Variants in LIPA observed in about 807,000 individuals in gnomAD.
The protein encoded by LIPA is lipase A, lysosomal acid type, also known as lysosomal acid lipase/cholesteryl ester hydrolase.
Under a neutral mutation model 40.6 loss-of-function variants are expected in LIPA, and 26 were observed. The ratio of observed to expected loss-of-function variants is 0.64; its 90% CI spans 0.47 to 0.89. The LOEUF (loss-of-function observed/expected upper bound fraction) is 0.89, where lower values mean the gene tolerates loss of function less well. Ranked by LOEUF, LIPA falls within the 40% of genes least tolerant of loss-of-function variation. LIPA has a pLI of 0.00. For synonymous variants in LIPA, 188 were observed against 168.4 expected, an observed-to-expected ratio of 1.12 and a Z score of -0.90; for missense variants, 455 against 479.6, an observed-to-expected ratio of 0.95 and a Z score of 0.48.
intron 1 of LIPA, among the ~76,000 whole-genome samples, chr10:89,320,047 A>G (rs1843562932): frequency 6.6e-6 from 1 of 152,212 alleles, no homozygotes; most frequent in Admixed American, 6.5e-5. Flanking sequence ...TCAATAAACT[A>G]GGTATTGATG....
chr10:89,339,073 T>A, intron 1 of LIPA: 1 of 1,614,044 alleles, frequency 6.2e-7, no homozygotes, highest in East Asian at 2.2e-5. Context: ...TGAACTTGAC[T>A]GTGAGGAAGG....
At chr10:89,285,499 C>T (rs1843336896) in intron 1 of LIPA, among the ~76,000 whole-genome samples, 1 of 152,206 alleles carries the variant, frequency 6.6e-6, no homozygotes, top group African/African-American at 2.4e-5. Flanking sequence ...GAGATGCCTG[C>T]CTGATTATTC....
chr10:89,227,159 C>A (rs1424890818), intron 4 of LIPA, 155 bp from the exon 5 acceptor site: 5 of 651,898 alleles, frequency 7.7e-6, no homozygotes, highest in Non-Finnish European at 1.4e-5. Context: ...CTGCAGAAGC[C>A]CCCTTGGGCT....
chr10:89,358,968 AT>A (rs1844004125), intron 2 of LIPA, among the ~76,000 whole-genome samples: 1 of 152,260 alleles, frequency 6.6e-6, no homozygotes, highest in African/African-American at 2.4e-5. Flanking sequence ...GGACATCCCA[AT>A]TACCCTGATT....
intron 2 of LIPA, among the ~76,000 whole-genome samples, chr10:89,350,240 A>C (rs1843949672): frequency 6.6e-6 from 1 of 151,214 alleles, no homozygotes; most frequent in Non-Finnish European, 1.5e-5. Context: ...TATGATATTT[A>C]TTAATTATTT....
intron 3 of LIPA, among the ~76,000 whole-genome samples, chr10:89,237,646 A>C (rs976053915): frequency 6.6e-6 from 1 of 152,188 alleles, no homozygotes; most frequent in Non-Finnish European, 1.5e-5. Context: ...TATAGACATC[A>C]GCTGTCAGTC....
intron 1 of LIPA, among the ~76,000 whole-genome samples, chr10:89,334,587 C>T (rs550322640): frequency 7.7e-5 from 6 of 77,674 alleles, no homozygotes; most frequent in African/African-American, 7.7e-4. Context: ...CCTCCGCCTT[C>T]CGGTTTCAAG....
intron 2 of LIPA, among the ~76,000 whole-genome samples, chr10:89,358,472 A>G (rs932819899): frequency 1.3e-5 from 2 of 152,234 alleles, no homozygotes; most frequent in Non-Finnish European, 1.5e-5. Flanking sequence ...CGATATCTGT[A>G]TTCTCATGTT....
intron 3 of LIPA, among the ~76,000 whole-genome samples, chr10:89,235,399 C>G (rs1376716427): frequency 6.6e-6 from 1 of 152,230 alleles, no homozygotes; most frequent in Non-Finnish European, 1.5e-5. Flanking sequence ...ACTAAAGGAC[C>G]ATTTCTCAGC....
intron 1 of LIPA, among the ~76,000 whole-genome samples, chr10:89,318,719 G>C (rs1241016847): frequency 1.3e-5 from 2 of 152,174 alleles, no homozygotes; most frequent in East Asian, 3.8e-4. Flanking sequence ...AGACCTAATA[G>C]ACATCTACAG....
At chr10:89,263,719 G>A (rs1317231756) in intron 1 of LIPA, among the ~76,000 whole-genome samples, 1 of 152,252 alleles carries the variant, frequency 6.6e-6, no homozygotes, top group Admixed American at 6.5e-5. Flanking sequence ...CAGGCCTGCT[G>A]GGCTTGTTTT....
At chr10:89,409,782 A>C (rs1344476801) in intron 2 of LIPA, among the ~76,000 whole-genome samples, 1 of 152,214 alleles carries the variant, frequency 6.6e-6, no homozygotes, top group Admixed American at 6.5e-5. Context: ...TGTAATTGGG[A>C]GACTTTGCTC....
intron 1 of LIPA, among the ~76,000 whole-genome samples, chr10:89,269,673 T>C (rs144505904): frequency 2.0e-4 from 31 of 152,236 alleles, no homozygotes; most frequent in African/African-American, 7.2e-4. Context: ...AGCGATGCGT[T>C]GGCAATACAG....
chr10:89,307,672 G>C (rs1327951721), intron 1 of LIPA: 1 of 295,636 alleles, frequency 3.4e-6, no homozygotes, highest in Non-Finnish European at 6.4e-6. Flanking sequence ...CACCTTTAGT[G>C]GAGTAATCTA....
intron 2 of LIPA, among the ~76,000 whole-genome samples, chr10:89,370,361 A>G (rs1013424304): frequency 1.3e-5 from 2 of 151,896 alleles, no homozygotes; most frequent in Admixed American, 6.6e-5. Context: ...ACTAACTAGG[A>G]CTACAGGCTC....
At chr10:89,307,368 G>T in intron 1 of LIPA, 1 of 1,597,504 alleles carries the variant, frequency 6.3e-7, no homozygotes, top group South Asian at 1.1e-5. Context: ...AGCTGGAATG[G>T]GGAATGAAGA....
intron 1 of LIPA, among the ~76,000 whole-genome samples, chr10:89,286,340 G>A (rs1843340885): frequency 6.6e-6 from 1 of 151,726 alleles, no homozygotes; most frequent in African/African-American, 2.4e-5. Flanking sequence ...TCCCCAGGCT[G>A]CTCCTAGCCA....
intron 2 of LIPA, among the ~76,000 whole-genome samples, chr10:89,353,159 T>C (rs1411053066): frequency 6.6e-6 from 1 of 152,110 alleles, no homozygotes; most frequent in Non-Finnish European, 1.5e-5. Context: ...AAAATGATAA[T>C]TGGTTGAAGC....
intron 1 of LIPA, among the ~76,000 whole-genome samples, chr10:89,311,913 A>G (rs4934471): frequency 0.63 from 96,068 of 152,114 alleles, 32,869 homozygotes; most frequent in East Asian, 0.93. Flanking sequence ...AAAATAAAAT[A>G]TTCAAGTGTG....
Sources: allele counts gnomAD v4.1 joint callset (sites outside exome capture counted in the v4.1 genomes callset), GRCh38; gene constraint gnomAD v4.1.1; transcripts MANE v1.5; gene names NCBI Gene and HGNC (gene_info 2026-07-23, HGNC 2026-07-21).